The following ZSCAN25 variants were observed in gnomAD, a reference collection of about 807,000 sequenced individuals.
ZSCAN25 encodes the protein zinc finger and SCAN domain-containing protein 25.
In ZSCAN25, 27 loss-of-function variants were observed where a neutral mutation model predicts 38.7. That is an observed-to-expected ratio of 0.70 (90% CI 0.51 to 0.96). The LOEUF (loss-of-function observed/expected upper bound fraction) is 0.96. Ranked by LOEUF, ZSCAN25 falls within the 40% of genes least tolerant of loss-of-function variation. The pLI, the probability that ZSCAN25 is intolerant of heterozygous loss-of-function variation, is 0.00. For missense variants in ZSCAN25, 637 were observed against 705.9 expected (o/e 0.90, Z 1.11); for synonymous variants, 273 against 277.7 (o/e 0.98, Z 0.17).
chr7:99,671,607 T>TA, the ZSCAN25 span: 1 of 480,118 alleles, frequency 2.1e-6, no homozygotes, highest in African/African-American at 2.0e-5. Flanking sequence ...GTAATAGAGT[T>TA]ACATTTTGTA....
chr7:99,707,605 T>C, the ZSCAN25 span, among the ~76,000 whole-genome samples: 452 of 152,340 alleles, frequency 3.0e-3, 4 homozygotes, highest in Non-Finnish European at 3.5e-3. Flanking sequence ...CTAGTCTACA[T>C]TGACATTGCA....
the ZSCAN25 span, chr7:99,717,436 CCTCGGAAAGGAACT>C: frequency 6.3e-7 from 1 of 1,588,008 alleles, no homozygotes; most frequent in Non-Finnish European, 8.6e-7. Flanking sequence ...GCAGACTACT[CCTCGGAAAGGAACT>C]CTGATCTTAC....
intron 4 of ZSCAN25, 41 bp downstream of exon 4, chr7:99,620,034 G>A (rs769772277): frequency 1.3e-6 from 2 of 1,554,436 alleles, no homozygotes; most frequent in African/African-American, 2.7e-5. Context: ...CCTTGGCGTG[G>A]GCAGGGAATG....
chr7:99,623,074 G>A (rs1157598689), intron 6 of ZSCAN25, among the ~76,000 whole-genome samples: 1 of 152,198 alleles, frequency 6.6e-6, no homozygotes, highest in Non-Finnish European at 1.5e-5. Flanking sequence ...CCAAAGTGCT[G>A]GGATTACAGG....
downstream of ZSCAN25, among the ~76,000 whole-genome samples, chr7:99,634,556 G>A (rs938811793): frequency 3.9e-5 from 6 of 152,182 alleles, no homozygotes; most frequent in South Asian, 2.1e-4. Context: ...TTGGGAGTCC[G>A]AGGCAGGTGG....
chr7:99,624,886 G>C (rs970490625), intron 7 of ZSCAN25, among the ~76,000 whole-genome samples: 1 of 152,246 alleles, frequency 6.6e-6, no homozygotes, highest in Admixed American at 6.5e-5. Context: ...GTCTGCATGC[G>C]TGGAATCAGG....
chr7:99,647,608 C>T, the ZSCAN25 span: 42 of 985,100 alleles, frequency 4.3e-5, no homozygotes, highest in East Asian at 1.1e-4. Flanking sequence ...ATAAGTGCTT[C>T]GTTGAGTGTT....
the ZSCAN25 span, chr7:99,660,213 CCTTTTTTTTTTT>C: frequency 1.5e-6 from 1 of 653,722 alleles, no homozygotes; most frequent in Non-Finnish European, 1.8e-6. Context: ...TCGCCACACT[CCTTTTTTTTTTT>C]TTTTTTTTTT....
rs200678904 is a variant in ZSCAN25, at chr7:99,632,333, G to A, written c.*2313G>A. 7 of 776,210 alleles carry A rather than the reference G, an allele frequency of 9.0e-6. No homozygotes were observed. The highest frequency in any genetic ancestry group is 1.1e-5 in the Non-Finnish European group (7 of 649,696). 48.1% of individuals were successfully genotyped at this position (776,210 alleles called of 1,614,324 possible). A position where few individuals can be genotyped will look rare whatever the true frequency, so the allele number is the denominator to read the frequency against. ...ATTCTTTAGAAATTTTTTTATAATAGATAATTTCAAACCTATATAAATAAA... is the reference window on the plus strand; with the variant it reads ...ATTCTTTAGAAATTTTTTTATAATAAATAATTTCAAACCTATATAAATAAA... On this transcript the variant is annotated 3_prime_UTR_variant, in exon 8 of 8. Coordinates refer to ENST00000394152, the MANE Select transcript of ZSCAN25 (RefSeq NM_145115.3).
At chr7:99,719,200 C>G in the ZSCAN25 span, among the ~76,000 whole-genome samples, 7 of 152,118 alleles carry the variant, frequency 4.6e-5, no homozygotes, top group Admixed American at 3.9e-4. Flanking sequence ...TAAAACAAAT[C>G]TAAAAAAATA....
At chr7:99,672,042 T>G in the ZSCAN25 span, among the ~76,000 whole-genome samples, 3 of 151,842 alleles carry the variant, frequency 2.0e-5, no homozygotes, top group African/African-American at 4.8e-5. Context: ...TTTGCCGGTT[T>G]TTGTTGTTGT....
chr7:99,731,589 T>C, the ZSCAN25 span, among the ~76,000 whole-genome samples: 1 of 152,332 alleles, frequency 6.6e-6, no homozygotes, highest in Non-Finnish European at 1.5e-5. Flanking sequence ...AGATTTTGCA[T>C]CACTGCATCC....
chr7:99,629,955 A>G lies in ZSCAN25; in HGVS notation c.1570A>G (p.Asn524Asp), dbSNP rs1464320510. The G allele has an allele frequency of 6.2e-7, 1 of 1,612,130 alleles. No homozygotes were observed. Among genetic ancestry groups the G allele is most frequent in the Admixed American group, 1.7e-5 (1 of 59,782 alleles). Residue 524 changes from asparagine to aspartate, a missense_variant, in exon 8 of 8, where the codon AAC becomes GAC. By Grantham distance (23) the Asn-to-Asp change is conservative. Transcript: ENST00000394152. The surrounding 1 kb of genome is among the most constrained non-coding windows in gnomAD (Gnocchi z 5.6). ...YHCPACGRSFNQRSILNRHQK... is the reference protein window; with the variant it reads ...YHCPACGRSFDQRSILNRHQK... ...CTGTCCTGCCTGCGGGCGAAGCTTC[A>G]ACCAGAGGTCCATCCTCAACCGGCA...
the ZSCAN25 span, among the ~76,000 whole-genome samples, chr7:99,668,560 G>A: frequency 2.0e-5 from 3 of 152,208 alleles, no homozygotes; most frequent in Non-Finnish European, 4.4e-5. Flanking sequence ...GAATGGAAAG[G>A]GGTAATCAGA....
At chr7:99,706,781 G>T in the ZSCAN25 span, among the ~76,000 whole-genome samples, 31 of 152,288 alleles carry the variant, frequency 2.0e-4, no homozygotes, top group East Asian at 5.4e-3. Context: ...CTTAATATTT[G>T]TATGCAAACC....
chr7:99,654,969 T>TCATTGTA, the ZSCAN25 span, among the ~76,000 whole-genome samples: 1 of 152,378 alleles, frequency 6.6e-6, no homozygotes, highest in East Asian at 1.9e-4. Context: ...TTGTAGATTC[T>TCATTGTA]GGATATTAGC....
the ZSCAN25 span, among the ~76,000 whole-genome samples, chr7:99,724,464 T>A: frequency 6.6e-6 from 1 of 152,076 alleles, no homozygotes; most frequent in Non-Finnish European, 1.5e-5. Context: ...ATCCCAAATC[T>A]TTCTTCTTTC....
At chr7:99,660,700 C>T in the ZSCAN25 span, 249 of 1,604,950 alleles carry the variant, frequency 1.6e-4, 3 homozygotes, top group South Asian at 1.5e-3. Context: ...ATCAGGTCAA[C>T]GTACAACATC....
chr7:99,628,772 C>T (rs191874106), intron 7 of ZSCAN25, among the ~76,000 whole-genome samples: 200 of 151,934 alleles, frequency 1.3e-3, no homozygotes, highest in East Asian at 1.2e-3. Flanking sequence ...GGTGTAGAAT[C>T]GTTTGGGGAA....
Sources: allele counts gnomAD v4.1 joint callset (sites outside exome capture counted in the v4.1 genomes callset), GRCh38; gene constraint gnomAD v4.1.1; non-coding constraint Gnocchi (gnomAD v3.1); transcripts MANE v1.5; gene names NCBI Gene and HGNC (gene_info 2026-07-23, HGNC 2026-07-21).